The following OR51B5 variants were observed in gnomAD, a reference collection of about 807,000 sequenced individuals.
The protein encoded by OR51B5 is olfactory receptor family 51 subfamily B member 5, also known as olfactory receptor 51B5.
For synonymous variants in OR51B5, 186 were observed against 144.8 expected (o/e 1.28, Z -2.04); for missense variants, 456 against 374.6 (o/e 1.22, Z -1.79).
chr11:5,454,548 G>A lies in OR51B5; in HGVS notation n.84+51021C>T, dbSNP rs903789130. 2.4e-5 allele frequency: 19 copies of A among 783,472 alleles called. No individual in the cohort carries two copies. The African/African-American group carries it at 2.6e-4, about 11-fold the overall frequency. The allele number at this position is 783,472 out of a possible 1,614,324, so 48.5% of individuals were successfully genotyped here. On this transcript the variant is annotated intron_variant and non_coding_transcript_variant, in intron 1 of 4. Transcript: ENST00000415970. Reference sequence around the variant, plus strand: ...CTGCGGGAAAAGTAGGCCAGGAGATGGTGATGCAAAACTTATAACACAAAA... The same window carrying A: ...CTGCGGGAAAAGTAGGCCAGGAGATAGTGATGCAAAACTTATAACACAAAA...
intron 1 of OR51B5, among the ~76,000 whole-genome samples, chr11:5,496,311 T>G (rs184683575): frequency 0.035 from 20 of 576 alleles, no homozygotes; most frequent in Admixed American, 0.17. Context: ...TTATCTCTTA[T>G]GCATTTCTGA....
At chr11:5,374,906 T>A in intron 1 of OR51B5, among the ~76,000 whole-genome samples, 1 of 151,922 alleles carries the variant, frequency 6.6e-6, no homozygotes, top group Non-Finnish European at 1.5e-5. Context: ...TGGAAAACAC[T>A]CTGCAGGATA....
chr11:5,364,025 C>A (rs1386742947), intron 1 of OR51B5, among the ~76,000 whole-genome samples: 1 of 152,108 alleles, frequency 6.6e-6, no homozygotes, highest in Non-Finnish European at 1.5e-5. Flanking sequence ...GATAGATTCA[C>A]CCACATATTA....
At chr11:5,400,023 A>C (rs1849943496) in intron 1 of OR51B5, among the ~76,000 whole-genome samples, 1 of 152,224 alleles carries the variant, frequency 6.6e-6, no homozygotes, top group African/African-American at 2.4e-5. Context: ...AGAACTAAGA[A>C]GGCTATGTTG....
intron 1 of OR51B5, chr11:5,441,292 C>T: frequency 6.2e-7 from 1 of 1,613,896 alleles, no homozygotes; most frequent in Non-Finnish European, 8.5e-7. Flanking sequence ...GAAAAGGACA[C>T]TCCCAGATCA....
Position 5,421,433 on chromosome 11 carries a change from C to G in OR51B5, n.85-74523G>C, listed in dbSNP as rs571474916. On this transcript the variant is annotated intron_variant and non_coding_transcript_variant, in intron 1 of 4. Coordinates refer to the OR51B5 transcript ENST00000415970. ...ACTTGTTAGAACATAAGAATTAATACGAGTTATCCACTTAAAGCAGTGCCT... is the reference window on the plus strand; with the variant it reads ...ACTTGTTAGAACATAAGAATTAATAGGAGTTATCCACTTAAAGCAGTGCCT... Among the ~76,000 whole-genome samples, 4 of 152,346 alleles carry G rather than the reference C, an allele frequency of 2.6e-5. No homozygotes were observed. In the East Asian group the frequency reaches 5.8e-4, roughly 22 times the overall value.
At position 5,352,201 on chromosome 11, in the gene OR51B5, AG is replaced by A. The variant is rs755565592; in HGVS notation, n.85-5292del. ...CATGGGCATTGGTTCTGGAGGAGAA[AG>A]GGCCAAGGCCCTCAACACATGTGTC... On this transcript the variant is annotated intron_variant and non_coding_transcript_variant, in intron 1 of 4. Coordinates refer to the OR51B5 transcript ENST00000415970. The A allele has an allele frequency of 6.8e-6, 11 of 1,614,204 alleles. 1 individual carries two copies. The South Asian group carries it at 1.1e-4, about 16-fold the overall frequency.
intron 1 of OR51B5, among the ~76,000 whole-genome samples, chr11:5,411,925 A>T (rs1850154408): frequency 6.6e-6 from 1 of 152,222 alleles, no homozygotes; most frequent in Admixed American, 6.5e-5. Flanking sequence ...GGTTTTCCCT[A>T]AAGCCTTGAG....
chr11:5,399,331 G>C (rs1849931567), intron 1 of OR51B5, among the ~76,000 whole-genome samples: 2 of 152,152 alleles, frequency 1.3e-5, no homozygotes, highest in Admixed American at 1.3e-4. Context: ...GACTGTGATT[G>C]ACTCCTGAGA....
chr11:5,458,785 CT>C (rs1357840061), intron 1 of OR51B5, among the ~76,000 whole-genome samples: 1 of 152,068 alleles, frequency 6.6e-6, no homozygotes, highest in Non-Finnish European at 1.5e-5. Context: ...AGAAATGCTA[CT>C]GATTTTTGTA....
chr11:5,353,644 G>A (rs1385553174), intron 1 of OR51B5, among the ~76,000 whole-genome samples: 1 of 152,192 alleles, frequency 6.6e-6, no homozygotes, highest in Non-Finnish European at 1.5e-5. Flanking sequence ...CAAATGATAA[G>A]TTTTAAATTA....
intron 1 of OR51B5, chr11:5,392,182 T>C (rs1232038833): frequency 6.6e-6 from 1 of 152,270 alleles, no homozygotes; most frequent in African/African-American, 2.4e-5. Context: ...CTCATGTTTG[T>C]ATGTGTGGGT....
intron 1 of OR51B5, among the ~76,000 whole-genome samples, chr11:5,378,812 A>G (rs890908500): frequency 1.3e-5 from 2 of 151,104 alleles, no homozygotes; most frequent in African/African-American, 4.9e-5. Flanking sequence ...TCAGGAAACA[A>G]CAGGTGCTGG....
At chr11:5,341,660 G>C (rs367999013), downstream of OR51B5, among the ~76,000 whole-genome samples, 4 of 152,224 alleles carry the variant, frequency 2.6e-5, no homozygotes, top group East Asian at 7.7e-4. Context: ...CATGGAATCA[G>C]AATGTATGTA....
intron 1 of OR51B5, chr11:5,351,492 C>G: frequency 6.3e-7 from 1 of 1,590,770 alleles, no homozygotes; most frequent in Non-Finnish European, 8.5e-7. Flanking sequence ...ATATTTGCCT[C>G]TTTGCAAAGC....
chr11:5,376,743 T>A (rs999687454), intron 1 of OR51B5, among the ~76,000 whole-genome samples: 1 of 151,656 alleles, frequency 6.6e-6, no homozygotes, highest in Admixed American at 6.6e-5. Context: ...ACATACACTA[T>A]CCCAAGACTA....
chr11:5,414,209 ATACTT>A (rs1164235809), intron 1 of OR51B5, among the ~76,000 whole-genome samples: 3 of 151,906 alleles, frequency 2.0e-5, no homozygotes, highest in African/African-American at 7.3e-5. Context: ...GAGAAATAAA[ATACTT>A]TACAGACAAG....
intron 1 of OR51B5, among the ~76,000 whole-genome samples, chr11:5,361,271 G>A (rs1374479199): frequency 6.6e-6 from 1 of 152,168 alleles, no homozygotes; most frequent in Non-Finnish European, 1.5e-5. Flanking sequence ...CCTAGATGCA[G>A]GAAGAAACCT....
intron 1 of OR51B5, among the ~76,000 whole-genome samples, chr11:5,354,103 T>G (rs1021977497): frequency 2.6e-5 from 4 of 152,210 alleles, no homozygotes; most frequent in African/African-American, 7.2e-5. Flanking sequence ...AATTTTTCAT[T>G]AAAATGAATA....
Sources: allele counts gnomAD v4.1 joint callset (sites outside exome capture counted in the v4.1 genomes callset), GRCh38; gene constraint gnomAD v4.1.1; transcripts MANE v1.5; gene names NCBI Gene and HGNC (gene_info 2026-07-23, HGNC 2026-07-21).